The following NFIA variants were observed in gnomAD, a reference collection of about 807,000 sequenced individuals.
NFIA encodes nuclear factor I A.
In NFIA, 8 loss-of-function variants were observed where a neutral mutation model predicts 62.8. That is an observed-to-expected ratio of 0.13 (90% CI 0.07 to 0.23). The LOEUF (loss-of-function observed/expected upper bound fraction) is 0.23, where lower values mean the gene tolerates loss of function less well. Ranked by LOEUF, NFIA falls within the 10% of genes least tolerant of loss-of-function variation. NFIA has a pLI of 1.00. For synonymous variants in NFIA, 235 were observed against 238.1 expected (o/e 0.99, Z 0.12); for missense variants, 410 against 642.1 (o/e 0.64, Z 3.91).
At chr1:61,256,629 T>C (rs1435060166) in intron 2 of NFIA, among the ~76,000 whole-genome samples, 2 of 152,116 alleles carry the variant, frequency 1.3e-5, no homozygotes, top group Non-Finnish European at 2.9e-5. Context: ...TCTACCTTTA[T>C]ACTGCTATTT....
intron 3 of NFIA, among the ~76,000 whole-genome samples, chr1:61,311,501 G>A (rs1274931416): frequency 6.6e-6 from 1 of 152,164 alleles, no homozygotes; most frequent in Non-Finnish European, 1.5e-5. Flanking sequence ...ATACTTTGGT[G>A]TTCTGTCACG....
chr1:61,426,674 C>G, intron 10 of NFIA, 118 bp downstream of exon 10: 1 of 732,294 alleles, frequency 1.4e-6, no homozygotes, highest in Non-Finnish European at 2.3e-6. Flanking sequence ...TCTTCCCTTT[C>G]CTCCTGATCC....
chr1:61,453,197 C>A (rs1032853178), intron 10 of NFIA, among the ~76,000 whole-genome samples: 39 of 152,074 alleles, frequency 2.6e-4, no homozygotes, highest in Admixed American at 1.3e-4. Context: ...ACGTCAGAAC[C>A]ACTGGAAGGT....
intron 2 of NFIA, among the ~76,000 whole-genome samples, chr1:61,121,953 C>A (rs1646894170): frequency 6.6e-6 from 1 of 151,840 alleles, no homozygotes; most frequent in Admixed American, 6.6e-5. Flanking sequence ...CCTTCCCTGA[C>A]AAGAAAAAAA....
At chr1:61,080,250 A>G (rs928407516), upstream of NFIA, among the ~76,000 whole-genome samples, 4 of 152,162 alleles carry the variant, frequency 2.6e-5, no homozygotes, top group African/African-American at 9.7e-5. Flanking sequence ...AGAAGTTTTT[A>G]AAGTAGAAAT....
At chr1:61,159,762 A>G (rs1649060312) in intron 2 of NFIA, among the ~76,000 whole-genome samples, 1 of 147,318 alleles carries the variant, frequency 6.8e-6, no homozygotes, top group Admixed American at 6.9e-5. Flanking sequence ...GCTCATTGCA[A>G]CCTCTGCCTC....
chr1:61,289,973 G>C (rs1658765055), intron 3 of NFIA, among the ~76,000 whole-genome samples: 1 of 150,344 alleles, frequency 6.7e-6, no homozygotes, highest in South Asian at 2.1e-4. Flanking sequence ...TTGCCTCATA[G>C]ACATGAACTA....
chr1:61,226,337 G>A lies in NFIA; in HGVS notation c.560-51183G>A, dbSNP rs56054021. 6.7e-3 allele frequency among the ~76,000 whole-genome samples: 1,017 copies of A among 152,312 alleles called. 7 individuals are homozygous for A. Among genetic ancestry groups the A allele is most frequent in the African/African-American group, 0.022 (934 of 41,554 alleles). ...TGATAGACCATACTAACACCTTTTAGTGTTATCTGTCAATCAAGATTTCAT... is the reference window on the plus strand; with the variant it reads ...TGATAGACCATACTAACACCTTTTAATGTTATCTGTCAATCAAGATTTCAT... On this transcript the variant is annotated intron_variant, in intron 2 of 10. Coordinates refer to ENST00000403491, the MANE Select transcript of NFIA (RefSeq NM_001134673.4).
At chr1:61,293,780 T>G (rs1412033545) in intron 3 of NFIA, among the ~76,000 whole-genome samples, 1 of 152,228 alleles carries the variant, frequency 6.6e-6, no homozygotes, top group African/African-American at 2.4e-5. Context: ...GCATTTGCAT[T>G]TATAGAATAG....
At chr1:61,203,922 A>G (rs1652710719) in intron 2 of NFIA, among the ~76,000 whole-genome samples, 1 of 152,228 alleles carries the variant, frequency 6.6e-6, no homozygotes, top group South Asian at 2.1e-4. Context: ...CATTTGGATT[A>G]TGGGAGAGCT....
chr1:61,299,053 A>C (rs1291755399), intron 3 of NFIA, among the ~76,000 whole-genome samples: 1 of 152,166 alleles, frequency 6.6e-6, no homozygotes, highest in Admixed American at 6.5e-5. Context: ...ATAATTGTAT[A>C]CTAGAGCTCT....
Position 61,380,706 on chromosome 1 carries a change from A to C in NFIA, c.947-2531A>C, listed in dbSNP as rs191966508. The stretch of plus-strand genomic sequence containing the variant: ...TCTTTAAAAATTGAAAACACAAAGT[A>C]ATTTTGAGATTCATGACAGCCTTAG... On this transcript the variant is annotated intron_variant, in intron 6 of 10. Coordinates refer to ENST00000403491, the MANE Select transcript of NFIA (RefSeq NM_001134673.4). Among the ~76,000 whole-genome samples the C allele has an allele frequency of 3.1e-4, 47 of 152,276 alleles. 1 individual carries two copies. The Middle Eastern group carries it at 0.01, about 33-fold the overall frequency.
At chr1:61,320,197 A>G (rs180675466) in intron 3 of NFIA, among the ~76,000 whole-genome samples, 53 of 152,176 alleles carry the variant, frequency 3.5e-4, no homozygotes, top group African/African-American at 9.2e-4. Flanking sequence ...TTGTGCTAAC[A>G]CGACATGGCC....
chr1:61,407,762 A>G (rs1310906704), intron 9 of NFIA, among the ~76,000 whole-genome samples: 2 of 152,230 alleles, frequency 1.3e-5, no homozygotes, highest in African/African-American at 4.8e-5. Flanking sequence ...AGAGCAGCAT[A>G]GGAAAGGAGT....
intron 2 of NFIA, among the ~76,000 whole-genome samples, chr1:61,245,826 A>T (rs1182288336): frequency 6.6e-6 from 1 of 152,188 alleles, no homozygotes; most frequent in Non-Finnish European, 1.5e-5. Flanking sequence ...CTGTGATATA[A>T]ATTCATTTGG....
At chr1:61,335,284 T>C (rs1661540596) in intron 4 of NFIA, among the ~76,000 whole-genome samples, 2 of 152,110 alleles carry the variant, frequency 1.3e-5, no homozygotes, top group Admixed American at 1.3e-4. Flanking sequence ...TTAGAGATAA[T>C]CTAGGTTTGT....
chr1:61,262,380 A>G (rs1404107882), intron 2 of NFIA, among the ~76,000 whole-genome samples: 1 of 152,214 alleles, frequency 6.6e-6, no homozygotes, highest in African/African-American at 2.4e-5. Context: ...CTGCTAATTT[A>G]AAATGTTTTG....
At chr1:61,223,833 G>GT (rs1166050982) in intron 2 of NFIA, among the ~76,000 whole-genome samples, 10 of 151,986 alleles carry the variant, frequency 6.6e-5, no homozygotes, top group Admixed American at 3.9e-4. Context: ...ATACTTTGAG[G>GT]TTTTCTGAGG....
chr1:61,082,851 G>GGCCGGGGC (rs1363694772), intron 1 of NFIA, 33 bp downstream of exon 1: 2 of 1,546,788 alleles, frequency 1.3e-6, no homozygotes, highest in East Asian at 2.5e-5. Flanking sequence ...AGGGCTTGGG[G>GGCCGGGGC]GCCGGGGCGC....
Sources: allele counts gnomAD v4.1 joint callset (sites outside exome capture counted in the v4.1 genomes callset), GRCh38; gene constraint gnomAD v4.1.1; transcripts MANE v1.5; gene names NCBI Gene and HGNC (gene_info 2026-07-23, HGNC 2026-07-21).